Variants in AACS observed in about 807,000 individuals in gnomAD.
AACS encodes the protein acetoacetate-CoA ligase.
Under a neutral mutation model 83.1 loss-of-function variants are expected in AACS, and 69 were observed. That is an observed-to-expected ratio of 0.83 (90% CI 0.68 to 1.01). AACS has a LOEUF of 1.01. Ranked by LOEUF, AACS falls within the 50% of genes least tolerant of loss-of-function variation. The probability of loss-of-function intolerance (pLI) is 0.00; values close to 1 mark genes in which losing one functional copy is unlikely to be tolerated. For missense variants in AACS, 866 were observed against 882.2 expected, an observed-to-expected ratio of 0.98 and a Z score of 0.23; for synonymous variants, 333 against 343.4, an observed-to-expected ratio of 0.97 and a Z score of 0.33.
At chr12:125,141,102 C>G (rs976717640) in intron 17 of AACS, 3 of 152,238 alleles carry the variant, frequency 2.0e-5, no homozygotes, top group Admixed American at 2.0e-4. Flanking sequence ...GAAGTGAACT[C>G]AGGTTCAGGA....
At chr12:125,138,074 C>T (rs1957424926) in intron 17 of AACS, among the ~76,000 whole-genome samples, 2 of 152,238 alleles carry the variant, frequency 1.3e-5, no homozygotes, top group South Asian at 4.1e-4. Flanking sequence ...GGGGAGAGCG[C>T]TTGCAGCACG....
intron 3 of AACS, among the ~76,000 whole-genome samples, chr12:125,080,591 C>T (rs975272275): frequency 6.6e-6 from 1 of 151,986 alleles, no homozygotes. Flanking sequence ...TTTCACACCC[C>T]CTACCCCTTT....
intron 7 of AACS, 47 bp downstream of exon 7, chr12:125,103,128 G>GCTC (rs777312728): frequency 3.3e-6 from 5 of 1,531,800 alleles, no homozygotes; most frequent in East Asian, 4.5e-5. Context: ...ACCCACTGGA[G>GCTC]CTCCTGCGGG....
intron 1 of AACS, among the ~76,000 whole-genome samples, chr12:125,068,010 G>C (rs1256192989): frequency 6.6e-6 from 1 of 152,212 alleles, no homozygotes; most frequent in African/African-American, 2.4e-5. Context: ...GCTCTGCCCT[G>C]GGTCCCTGGG....
chr12:125,093,873 T>G lies in AACS; in HGVS notation c.570+2350T>G, dbSNP rs78833646. 5.4e-4 allele frequency among the ~76,000 whole-genome samples: 82 copies of G among 152,356 alleles called. 1 individual carries two copies. The East Asian group carries it at 0.013, about 25-fold the overall frequency. ...AGATCCAGCCGGTTGGCAGGGAGTC[T>G]GTCGGCATTTGGTGGCTTCGTGGCA... On this transcript the variant is annotated intron_variant, in intron 5 of 17. Coordinates refer to ENST00000316519, the MANE Select transcript of AACS (RefSeq NM_023928.5).
At chr12:125,091,298 A>G (rs1956479612) in intron 4 of AACS, 128 bp from the exon 5 acceptor site, 6 of 851,310 alleles carry the variant, frequency 7.0e-6, no homozygotes, top group African/African-American at 6.7e-5. Flanking sequence ...GCTGGTGGTC[A>G]GGATCCTCAG....
intron 4 of AACS, chr12:125,091,156 A>G: frequency 4.1e-6 from 2 of 489,016 alleles, no homozygotes; most frequent in Non-Finnish European, 7.5e-6. Flanking sequence ...TGCTGTGACC[A>G]GATCCCAGGG....
intron 4 of AACS, among the ~76,000 whole-genome samples, chr12:125,089,187 C>T (rs1956406167): frequency 6.6e-6 from 1 of 152,226 alleles, no homozygotes; most frequent in Admixed American, 6.5e-5. Flanking sequence ...ATCTTCGCTG[C>T]AAACTCAGCC....
At position 125,094,750 on chromosome 12, in the gene AACS, G is replaced by T. The variant is rs1162337144; in HGVS notation, c.570+3227G>T. 2.0e-5 allele frequency among the ~76,000 whole-genome samples: 3 copies of T among 152,212 alleles called. No individual in the cohort carries two copies. The highest frequency in any genetic ancestry group is 2.0e-4 in the Admixed American group (3 of 15,288). On this transcript the variant is annotated intron_variant, in intron 5 of 17. Transcript: ENST00000316519. The surrounding 1 kb of genome is among the most constrained non-coding windows in gnomAD (Gnocchi z 4.1). ...AATGCTTTTGGGCTCGAAGGGCATC[G>T]CCAGGTTGGGGAAGTGCTCTGTTCT... is the stretch of plus-strand genomic sequence containing the variant.
intron 3 of AACS, among the ~76,000 whole-genome samples, chr12:125,079,616 T>C (rs1181005497): frequency 6.6e-6 from 1 of 152,122 alleles, no homozygotes; most frequent in African/African-American, 2.4e-5. Flanking sequence ...CTCGAACTCC[T>C]GGGCTCAAGC....
intron 14 of AACS, among the ~76,000 whole-genome samples, chr12:125,132,441 G>A (rs989264431): frequency 6.6e-5 from 10 of 152,308 alleles, no homozygotes; most frequent in African/African-American, 2.4e-4. Flanking sequence ...CCAGAATGAG[G>A]CAGGATTCCC....
intron 17 of AACS, chr12:125,141,051 G>A (rs980503312): frequency 2.0e-5 from 3 of 152,256 alleles, no homozygotes; most frequent in Non-Finnish European, 4.4e-5. Flanking sequence ...GTGACTCACA[G>A]CCTTATAGCC....
At position 125,097,713 on chromosome 12, in the gene AACS, C is replaced by T. The variant is rs1592968722; in HGVS notation, c.571-4966C>T. Among the ~76,000 whole-genome samples, 1 of 152,196 alleles carries T rather than the reference C, an allele frequency of 6.6e-6. No homozygotes were observed. The highest frequency in any genetic ancestry group is 1.5e-5 in the Non-Finnish European group (1 of 68,034). ...CCCTGTCCAGTCAGCACTGGCGGGGCTGCCAGAAGTTCTCAAGACTCAGTG... is the reference window on the plus strand; with the variant it reads ...CCCTGTCCAGTCAGCACTGGCGGGGTTGCCAGAAGTTCTCAAGACTCAGTG... On this transcript the variant is annotated intron_variant, in intron 5 of 17. Transcript: ENST00000316519. The surrounding 1 kb of genome is among the most constrained non-coding windows in gnomAD (Gnocchi z 4.3).
At chr12:125,134,765 T>C (rs1565956010) in intron 15 of AACS, 29 bp from the exon 16 acceptor site, 1 of 1,613,936 alleles carries the variant, frequency 6.2e-7, no homozygotes, top group Non-Finnish European at 8.5e-7. Context: ...AGAGCTGCGG[T>C]GTGGCCCTGA....
At chr12:125,084,237 G>C (rs1229457420) in intron 3 of AACS, among the ~76,000 whole-genome samples, 1 of 151,600 alleles carries the variant, frequency 6.6e-6, no homozygotes, top group African/African-American at 2.4e-5. Context: ...AGAATTGCTT[G>C]AACCTGGGAG....
chr12:125,118,466 T>C, intron 9 of AACS, 175 bp from the exon 10 acceptor site: 1 of 729,352 alleles, frequency 1.4e-6, no homozygotes, highest in Non-Finnish European at 2.2e-6. Context: ...GTCTGTGTGA[T>C]CCATTCTTAG....
rs1004300314 is a variant in AACS at position 125,107,269 on chromosome 12, G to T, written c.915+1G>T. The T allele has an allele frequency of 5.0e-6, 8 of 1,613,102 alleles. No individual in the cohort carries two copies. Among genetic ancestry groups the T allele is most frequent in the Non-Finnish European group, 6.8e-6 (8 of 1,179,832 alleles). On this transcript the variant is annotated splice_donor_variant, in intron 8 of 17. Coordinates refer to ENST00000316519, the MANE Select transcript of AACS (RefSeq NM_023928.5). LOFTEE classifies it high-confidence loss of function. Reference sequence around the variant, plus strand: ...CAAGTGCATGGTGCATTCCGCTGGGGTAGGTCTCTGGGGAAGGCTCTGCAG... The same window carrying T: ...CAAGTGCATGGTGCATTCCGCTGGGTTAGGTCTCTGGGGAAGGCTCTGCAG...
intron 2 of AACS, among the ~76,000 whole-genome samples, 165 bp downstream of exon 2, chr12:125,074,144 C>G (rs565651128): frequency 6.6e-6 from 1 of 152,184 alleles, no homozygotes; most frequent in Non-Finnish European, 1.5e-5. Context: ...CAGACCTCAT[C>G]GAGAACTTTG....
At chr12:125,077,313 G>A (rs576457432) in intron 3 of AACS, among the ~76,000 whole-genome samples, 120 of 151,968 alleles carry the variant, frequency 7.9e-4, no homozygotes, top group South Asian at 1.9e-3. Context: ...GATCGAGACT[G>A]TCCTGGCTAA....
Sources: gnomAD v4.1 joint callset for allele counts (sites outside exome capture counted in the v4.1 genomes callset) on GRCh38, gnomAD v4.1.1 for gene constraint, Gnocchi (gnomAD v3.1) non-coding constraint, MANE v1.5 for transcripts, NCBI Gene and HGNC (gene_info 2026-07-23, HGNC 2026-07-21) for gene names.